The following PCDHA6 variants were observed in gnomAD, a reference collection of about 807,000 sequenced individuals.
The protein encoded by PCDHA6 is protocadherin alpha-6.
Under a neutral mutation model 60.3 loss-of-function variants are expected in PCDHA6, and 55 were observed. The ratio of observed to expected loss-of-function variants is 0.91; its 90% CI spans 0.73 to 1.14. PCDHA6 has a LOEUF of 1.14. Ranked by LOEUF, PCDHA6 falls within the 50% of genes most tolerant of loss-of-function variation. PCDHA6 has a pLI of 0.00. For missense variants in PCDHA6, 1,327 were observed against 1,256.5 expected (o/e 1.06, Z -0.85); for synonymous variants, 652 against 557.9 (o/e 1.17, Z -2.38).
chr5:140,882,369 C>G (rs1554173809), intron 1 of PCDHA6: 4 of 1,614,104 alleles, frequency 2.5e-6, no homozygotes, highest in African/African-American at 1.3e-5. Flanking sequence ...CTCCACTACT[C>G]CGTCCCCGAG....
intron 1 of PCDHA6, among the ~76,000 whole-genome samples, chr5:140,952,242 C>A (rs1469286013): frequency 6.6e-6 from 1 of 151,750 alleles, no homozygotes; most frequent in Admixed American, 6.6e-5. Flanking sequence ...CTGCTTAGAA[C>A]TGCTGGTGGA....
intron 1 of PCDHA6, among the ~76,000 whole-genome samples, chr5:140,874,852 A>C (rs2153316930): frequency 6.6e-6 from 1 of 152,334 alleles, no homozygotes; most frequent in African/African-American, 2.4e-5. Context: ...GACATATTTT[A>C]GTTTCTTATC....
chr5:140,943,359 G>T (rs1374185019), intron 1 of PCDHA6, among the ~76,000 whole-genome samples: 2 of 151,772 alleles, frequency 1.3e-5, no homozygotes, highest in Non-Finnish European at 2.9e-5. Flanking sequence ...TAGAGGAAAG[G>T]AGATCATTAA....
At position 140,836,427 on chromosome 5, in the gene PCDHA6, G is replaced by T. The variant is rs2150260736; in HGVS notation, c.2394+5942G>T. ...CCAGGCACCAAAGGCGTCGTCGCGG[G>T]CATCGTTGGGCATTGCAGGCCCAGA... On this transcript the variant is annotated intron_variant, in intron 1 of 3. Coordinates refer to ENST00000529310, the MANE Select transcript of PCDHA6 (RefSeq NM_018909.4). 2.5e-6 allele frequency: 4 copies of T among 1,613,858 alleles called. No individual in the cohort carries two copies. In the South Asian group the frequency reaches 3.3e-5, roughly 13 times the overall value.
At chr5:140,884,148 A>G in intron 1 of PCDHA6, 3 of 1,613,432 alleles carry the variant, frequency 1.9e-6, no homozygotes, top group Non-Finnish European at 2.5e-6. Context: ...GTGGGGCTGT[A>G]CACTGGCGAG....
chr5:140,830,614 TTG>T (rs1387881436), intron 1 of PCDHA6, 129 bp downstream of exon 1: 73 of 608,268 alleles, frequency 1.2e-4, no homozygotes, highest in East Asian at 2.1e-4. Context: ...TTTCATTTTA[TTG>T]TGTTTCTTAT....
rs143772295 is a variant in PCDHA6 at position 140,836,248 on chromosome 5, T to C, written c.2394+5763T>C. On this transcript the variant is annotated intron_variant, in intron 1 of 3. Coordinates refer to ENST00000529310, the MANE Select transcript of PCDHA6 (RefSeq NM_018909.4). Reference sequence around the variant, plus strand: ...GTGGCGGCCGGTGCGAGCATCCCGTTCCGCGTGGGGCTGTACACTGGTGAG... The same window carrying C: ...GTGGCGGCCGGTGCGAGCATCCCGTCCCGCGTGGGGCTGTACACTGGTGAG... 1,441 of 1,613,590 alleles carry C rather than the reference T, an allele frequency of 8.9e-4. 19 individuals are homozygous for C. The highest frequency in any genetic ancestry group is 1.2e-3 in the Non-Finnish European group (1,359 of 1,179,786).
chr5:140,853,989 C>T (rs2042932367), intron 1 of PCDHA6: 1 of 494,686 alleles, frequency 2.0e-6, no homozygotes, highest in Non-Finnish European at 2.7e-6. Context: ...TGTAGTGAGA[C>T]TCATCTCTGC....
At position 140,829,803 on chromosome 5, in the gene PCDHA6, G is replaced by A; in HGVS notation, c.1712G>A (p.Gly571Asp). Residue 571 changes from glycine to aspartate, a missense_variant, in exon 1 of 4, where the codon GGT becomes GAT. Transcript: ENST00000529310. ...NAPALLAPRV[G>D]GTGGAVSELV... ...CCGGCGCTGCTGGCGCCTCGGGTGG[G>A]TGGTACTGGTGGTGCAGTGAGCGAG... 6.2e-7 allele frequency: 1 copy of A among 1,613,884 alleles called. No individual in the cohort carries two copies. The highest frequency in any genetic ancestry group is 8.5e-7 in the Non-Finnish European group (1 of 1,179,880).
At chr5:140,851,185 A>G in intron 1 of PCDHA6, 4 of 1,237,652 alleles carry the variant, frequency 3.2e-6, no homozygotes, top group Non-Finnish European at 4.1e-6. Flanking sequence ...TTGAAAACCA[A>G]TTTAGTTGTT....
intron 1 of PCDHA6, among the ~76,000 whole-genome samples, chr5:140,911,564 CTT>C (rs1188784239): frequency 6.6e-6 from 1 of 152,226 alleles, no homozygotes. Flanking sequence ...TCTTTCATCA[CTT>C]TGTCCAGTGA....
intron 1 of PCDHA6, among the ~76,000 whole-genome samples, chr5:140,960,222 A>G (rs1364451029): frequency 2.6e-5 from 4 of 152,206 alleles, no homozygotes; most frequent in African/African-American, 9.6e-5. Flanking sequence ...ATCTCAAGAA[A>G]CAGAGCCATG....
At chr5:140,875,372 T>C in intron 1 of PCDHA6, 5 of 1,451,920 alleles carry the variant, frequency 3.4e-6, no homozygotes, top group Non-Finnish European at 4.5e-6. Flanking sequence ...AAAAATTTAC[T>C]AAATATGTAC....
At chr5:140,840,330 G>A (rs1554137772) in intron 1 of PCDHA6, among the ~76,000 whole-genome samples, 1 of 151,878 alleles carries the variant, frequency 6.6e-6, no homozygotes, top group African/African-American at 2.4e-5. Flanking sequence ...TCATTTTCTA[G>A]GCAATGTTAG....
At chr5:141,001,216 G>A (rs938133871) in intron 3 of PCDHA6, among the ~76,000 whole-genome samples, 3 of 152,082 alleles carry the variant, frequency 2.0e-5, no homozygotes, top group African/African-American at 7.2e-5. Context: ...GCTGTATAAG[G>A]ATAGTTACAT....
chr5:140,882,870 A>T, intron 1 of PCDHA6: 1 of 1,614,196 alleles, frequency 6.2e-7, no homozygotes, highest in South Asian at 1.1e-5. Flanking sequence ...AAAACACTGG[A>T]CAGAGAGGAA....
At position 140,828,284 on chromosome 5, in the gene PCDHA6, A is replaced by C. The variant is rs2150153622; in HGVS notation, c.193A>C (p.Arg65=). 17 of 1,613,938 alleles carry C rather than the reference A, an allele frequency of 1.1e-5. No homozygotes were observed. The highest frequency in any genetic ancestry group is 4.5e-5 in the East Asian group (2 of 44,894). Residue 65 remains arginine, a synonymous_variant, in exon 1 of 4, where the codon AGG becomes CGG. Transcript: ENST00000529310. ...ELAELVPRLF[R]MASKDREDLL... ...GGCGGAGCTGGTGCCGCGCCTGTTC[A>C]GGATGGCCTCCAAAGACCGCGAGGA...
At chr5:140,883,130 G>C in intron 1 of PCDHA6, 1 of 1,614,062 alleles carries the variant, frequency 6.2e-7, no homozygotes, top group Non-Finnish European at 8.5e-7. Flanking sequence ...TGTATGGCCT[G>C]CAGTGGTATA....
At position 141,010,400 on chromosome 5, in the gene PCDHA6, T is replaced by C. The variant is rs145123720; in HGVS notation, c.*463T>C. 379 of 1,297,746 alleles carry C rather than the reference T, an allele frequency of 2.9e-4. No individual in the cohort carries two copies. Among genetic ancestry groups the C allele is most frequent in the Non-Finnish European group, 3.8e-4 (370 of 966,092 alleles). 80.4% of individuals were successfully genotyped at this position (1,297,746 alleles called of 1,614,324 possible). ...CAGATATTGGCTGAGACGAGCCAGC[T>C]TAGACTAATTGGTACAAGGAAGGCA... On this transcript the variant is annotated 3_prime_UTR_variant, in exon 4 of 4. Transcript: ENST00000529310.
Sources: allele counts gnomAD v4.1 joint callset (sites outside exome capture counted in the v4.1 genomes callset), GRCh38; gene constraint gnomAD v4.1.1; transcripts MANE v1.5; gene names NCBI Gene and HGNC (gene_info 2026-07-23, HGNC 2026-07-21).